RAP1GAP2: variants seen among roughly 807,000 people sequenced by gnomAD.
RAP1GAP2 encodes rap1 GTPase-activating protein 2.
Under a neutral mutation model 95.0 loss-of-function variants are expected in RAP1GAP2, and 27 were observed. The ratio of observed to expected loss-of-function variants is 0.28; its 90% confidence interval spans 0.21 to 0.39. RAP1GAP2 has a LOEUF of 0.39. Ranked by LOEUF, RAP1GAP2 falls within the 10% of genes least tolerant of loss-of-function variation. RAP1GAP2 has a pLI of 1.00. For missense variants in RAP1GAP2, 771 were observed against 970.0 expected (o/e 0.79, Z 2.72); for synonymous variants, 373 against 380.9 (o/e 0.98, Z 0.24).
At chr17:2,979,435 C>G (rs890851383) in intron 8 of RAP1GAP2, among the ~76,000 whole-genome samples, 1 of 149,504 alleles carries the variant, frequency 6.7e-6, no homozygotes, top group Non-Finnish European at 1.5e-5. Flanking sequence ...ATTTCAGTGG[C>G]AGACAGATAT....
At chr17:2,829,703 C>T (rs920324036) in intron 2 of RAP1GAP2, among the ~76,000 whole-genome samples, 1 of 152,144 alleles carries the variant, frequency 6.6e-6, no homozygotes, top group African/African-American at 2.4e-5. Flanking sequence ...CTGGCCAGAG[C>T]CTGGTGGTGG....
chr17:2,882,513 A>G (rs1194169329), intron 2 of RAP1GAP2, among the ~76,000 whole-genome samples: 1 of 137,824 alleles, frequency 7.3e-6, no homozygotes, highest in African/African-American at 2.8e-5. Flanking sequence ...GCTGGTCTCC[A>G]TCTCTTGACG....
At position 2,996,326 on chromosome 17, in the gene RAP1GAP2, C is replaced by A. The variant is rs1278795922; in HGVS notation, c.1044+860C>A. 1.3e-5 allele frequency among the ~76,000 whole-genome samples: 2 copies of A among 152,318 alleles called. 1 individual carries two copies. Among genetic ancestry groups the A allele is most frequent in the East Asian group, 3.9e-4 (2 of 5,182 alleles). On this transcript the variant is annotated intron_variant, in intron 13 of 24. Coordinates refer to ENST00000254695, the MANE Select transcript of RAP1GAP2 (RefSeq NM_015085.5). Reference sequence around the variant, plus strand: ...AGCCGCGGCTGGTTCCTGGCTGTTACAAGCCCAGTTCCCCCAGCCTGCCTT... The same window carrying A: ...AGCCGCGGCTGGTTCCTGGCTGTTAAAAGCCCAGTTCCCCCAGCCTGCCTT...
At chr17:3,022,054 A>C (rs1048690782) in intron 19 of RAP1GAP2, among the ~76,000 whole-genome samples, 7 of 152,112 alleles carry the variant, frequency 4.6e-5, no homozygotes, top group Middle Eastern at 3.4e-3. Context: ...GTTTTGAGGA[A>C]CCTCCAAACA....
chr17:2,910,662 G>A (rs960295434), intron 3 of RAP1GAP2, among the ~76,000 whole-genome samples: 5 of 152,166 alleles, frequency 3.3e-5, no homozygotes, highest in African/African-American at 1.2e-4. Flanking sequence ...CCCCAAGGTA[G>A]GAAATGACTC....
rs529667572 is a variant in RAP1GAP2, at chr17:2,767,565, C to G, written c.51-2764C>G. ...AGCGAGTATGAATTCCCACTTTATTCCCTGCCCCCTTTTTAATGTCAATCA... is the reference window on the plus strand; with the variant it reads ...AGCGAGTATGAATTCCCACTTTATTGCCTGCCCCCTTTTTAATGTCAATCA... On this transcript the variant is annotated intron_variant, in intron 1 of 25. Coordinates refer to the RAP1GAP2 transcript ENST00000637138. 1.1e-4 allele frequency among the ~76,000 whole-genome samples: 17 copies of G among 149,264 alleles called. No individual in the cohort carries two copies. In the East Asian group the frequency reaches 2.8e-3, roughly 24 times the overall value.
intron 1 of RAP1GAP2, among the ~76,000 whole-genome samples, chr17:2,799,829 G>T (rs1291289252): frequency 6.6e-6 from 1 of 152,186 alleles, no homozygotes; most frequent in Non-Finnish European, 1.5e-5. Flanking sequence ...ATGCAGGGGG[G>T]TAAAAATAGA....
chr17:3,026,274 A>G (rs1453035304), intron 20 of RAP1GAP2, 76 bp from the exon 21 acceptor site: 1 of 1,372,166 alleles, frequency 7.3e-7, no homozygotes, highest in East Asian at 2.5e-5. Flanking sequence ...GAGCCGCCAG[A>G]GGTCCCGGGG....
chr17:2,981,214 T>C lies in RAP1GAP2; in HGVS notation c.695T>C (p.Val232Ala), dbSNP rs1231244658. The C allele has an allele frequency of 6.2e-7, 1 of 1,612,784 alleles. No individual in the cohort carries two copies. ...QIAKAFCDDA[V>A]GLRFNPVLYP... Reference sequence around the variant, plus strand: ...TCTCAGGCTTTCTGTGATGATGCAGTGGGACTGAGATTCAATCCTGTCCTG... The same window carrying C: ...TCTCAGGCTTTCTGTGATGATGCAGCGGGACTGAGATTCAATCCTGTCCTG... The change falls in exon 10 of 25, where the codon GTG becomes GCG. Residue 232 changes from valine (V) to alanine (A), a missense_variant. Physicochemically the swap from Val to Ala is moderately conservative, Grantham distance 64. Transcript: ENST00000254695.
Position 3,008,088 on chromosome 17 carries a change from C to T in RAP1GAP2, c.1437C>T (p.Gly479=). 3 of 1,613,968 alleles carry T rather than the reference C, an allele frequency of 1.9e-6. No individual in the cohort carries two copies. Among genetic ancestry groups the T allele is most frequent in the Non-Finnish European group, 2.5e-6 (3 of 1,179,860 alleles). Residue 479 remains glycine (G), a synonymous_variant, in exon 17 of 25, where the codon GGC becomes GGT. Transcript: ENST00000254695. The surrounding 1 kb of genome is among the most constrained non-coding windows in gnomAD (Gnocchi z 4.2). ...HAHTQAMLGL[G]PEEDKFENGG... is the part of the protein sequence containing the mutation. ...ACACACAGGCCATGCTGGGACTGGG[C>T]CCAGAGGAGGACAAGTTTGAGAATG...
chr17:2,944,735 A>G, intron 3 of RAP1GAP2, among the ~76,000 whole-genome samples: 1 of 152,184 alleles, frequency 6.6e-6, no homozygotes, highest in East Asian at 1.9e-4. Flanking sequence ...TGCCACCTTA[A>G]CAGTATTAAA....
At chr17:2,765,362 T>C (rs577991943) in intron 1 of RAP1GAP2, among the ~76,000 whole-genome samples, 6 of 152,186 alleles carry the variant, frequency 3.9e-5, no homozygotes, top group African/African-American at 1.4e-4. Flanking sequence ...AGCTAACACC[T>C]GTAATCCCAG....
At chr17:2,987,463 A>G (rs1271047287) in intron 11 of RAP1GAP2, among the ~76,000 whole-genome samples, 1 of 152,104 alleles carries the variant, frequency 6.6e-6, no homozygotes, top group Non-Finnish European at 1.5e-5. Flanking sequence ...TCCCGGGTTC[A>G]AGCAATTCTG....
intron 11 of RAP1GAP2, among the ~76,000 whole-genome samples, chr17:2,988,245 G>A (rs886325962): frequency 2.6e-5 from 4 of 151,906 alleles, no homozygotes; most frequent in Admixed American, 1.3e-4. Context: ...TTTATCTTTA[G>A]GTATTTGTAG....
chr17:2,812,938 C>G (rs2069835075), intron 2 of RAP1GAP2, among the ~76,000 whole-genome samples: 1 of 149,328 alleles, frequency 6.7e-6, no homozygotes, highest in Admixed American at 6.7e-5. Context: ...TGCAGTGAGC[C>G]GAGATCGCAC....
intron 2 of RAP1GAP2, among the ~76,000 whole-genome samples, chr17:2,832,593 G>A (rs1418082393): frequency 6.6e-6 from 1 of 150,884 alleles, no homozygotes; most frequent in African/African-American, 2.4e-5. Flanking sequence ...AGTCTCCTAT[G>A]GCCAGCAGTG....
chr17:2,790,833 G>A (rs950239854), intron 1 of RAP1GAP2, among the ~76,000 whole-genome samples: 4 of 152,224 alleles, frequency 2.6e-5, no homozygotes, highest in African/African-American at 9.6e-5. Context: ...TGGAGGGGCT[G>A]CTGCTGACAG....
rs2045743688 is a variant in RAP1GAP2, at chr17:2,991,327, G to A, written c.844G>A (p.Glu282Lys). ...GGAGGAGGAGCTATTTGGGAACAAT[G>A]AGGAGAGCCCAGCTTTTAAGGAGTT... ...TLEEELFGNN[E>K]ESPAFKEFLD... Residue 282 changes from glutamate to lysine, a missense_variant, in exon 12 of 25, where the codon GAG (glutamate) becomes AAG (lysine). Physicochemically the swap from Glu to Lys is moderately conservative, Grantham distance 56. Transcript: ENST00000254695. 1 of 1,606,230 alleles carries A rather than the reference G, an allele frequency of 6.2e-7. No homozygotes were observed. Among genetic ancestry groups the A allele is most frequent in the Non-Finnish European group, 8.5e-7 (1 of 1,176,468 alleles).
At position 2,770,078 on chromosome 17, in the gene RAP1GAP2, A is replaced by AAAC. The variant is rs1012330320; in HGVS notation, c.51-249_51-248insCAA. The stretch of plus-strand genomic sequence containing the variant: ...ACAGAGAGAGACTCGGTCTCAAAAC[A>AAAC]AAAAAAAAAAAAAAAAGAAGAAGAA... On this transcript the variant is annotated intron_variant, in intron 1 of 25. Coordinates refer to the RAP1GAP2 transcript ENST00000637138. Among the ~76,000 whole-genome samples, 83 of 52,544 alleles carry AAAC rather than the reference A, an allele frequency of 1.6e-3. 1 individual carries two copies. The highest frequency in any genetic ancestry group is 7.4e-3 in the African/African-American group (81 of 10,912). 34.5% of individuals were successfully genotyped at this position (52,544 alleles called of 152,430 possible). A position where few individuals can be genotyped will look rare whatever the true frequency, so the allele number is the denominator to read the frequency against.
Sources: gnomAD v4.1 joint callset for allele counts (sites outside exome capture counted in the v4.1 genomes callset) on GRCh38, gnomAD v4.1.1 for gene constraint, Gnocchi (gnomAD v3.1) non-coding constraint, MANE v1.5 for transcripts, NCBI Gene and HGNC (gene_info 2026-07-23, HGNC 2026-07-21) for gene names.